The following ARID2 variants were observed in gnomAD, a reference collection of about 807,000 sequenced individuals.
ARID2 encodes the protein AT-rich interactive domain-containing protein 2.
In ARID2, 32 loss-of-function variants were observed where a neutral mutation model predicts 184.6. The observed-to-expected ratio is 0.17, with a 90% confidence interval of 0.13 to 0.23. The LOEUF is 0.23. ARID2 is among the 10% of genes least tolerant of loss of function. The pLI is 1.00. For synonymous variants in ARID2, 836 were observed against 772.6 expected, an observed-to-expected ratio of 1.08 and a Z score of -1.36; for missense variants, 1,696 against 2,197.6, an observed-to-expected ratio of 0.77 and a Z score of 4.56.
chr12:45,848,217 A>G (rs1039247668), intron 12 of ARID2, among the ~76,000 whole-genome samples: 1 of 152,024 alleles, frequency 6.6e-6, no homozygotes, highest in Non-Finnish European at 1.5e-5. Flanking sequence ...CAGGCCTCCA[A>G]TCCCAATTTA....
intron 3 of ARID2, among the ~76,000 whole-genome samples, chr12:45,785,363 A>C (rs1942176889): frequency 6.6e-6 from 1 of 152,164 alleles, no homozygotes; most frequent in Admixed American, 6.5e-5. Context: ...CATCATCATC[A>C]TCTTTCATTA....
intron 3 of ARID2, among the ~76,000 whole-genome samples, chr12:45,735,830 C>T (rs918799891): frequency 3.9e-5 from 6 of 152,066 alleles, no homozygotes; most frequent in African/African-American, 1.4e-4. Context: ...TGAGTTCTTT[C>T]TAAGACAGAT....
chr12:45,850,958 A>C lies in ARID2; in HGVS notation c.2835A>C (p.Gln945His). ...AAACTTATGCACCAGCCATTCACCA[A>C]ATTGTTCTTGCTAATCCAGCAGCTC... Reference protein sequence around the residue: ...QGQTYAPAIHQIVLANPAALP... With the variant: ...QGQTYAPAIHHIVLANPAALP... Residue 945 changes from glutamine to histidine, a missense_variant, in exon 15 of 21, where the codon CAA (glutamine) becomes CAC (histidine). This residue lies in a region of ARID2 where 713 missense variants were observed against 824.4 expected (regional missense o/e 0.86). Coordinates refer to ENST00000334344, the MANE Select transcript of ARID2 (RefSeq NM_152641.4). 1.2e-6 allele frequency: 2 copies of C among 1,614,154 alleles called. No individual in the cohort carries two copies. Among genetic ancestry groups the C allele is most frequent in the Non-Finnish European group, 1.7e-6 (2 of 1,180,010 alleles).
intron 16 of ARID2, among the ~76,000 whole-genome samples, chr12:45,866,438 C>T (rs1261528004): frequency 2.6e-5 from 4 of 152,052 alleles, no homozygotes; most frequent in East Asian, 1.9e-4. Flanking sequence ...TGAATAATTT[C>T]GTTTCCATAG....
chr12:45,869,629 T>C (rs1943887957), intron 16 of ARID2, among the ~76,000 whole-genome samples: 1 of 152,138 alleles, frequency 6.6e-6, no homozygotes, highest in South Asian at 2.1e-4. Flanking sequence ...ATGCTTGTAA[T>C]TTCAGCACTT....
At chr12:45,862,459 T>C (rs1338634508) in intron 16 of ARID2, among the ~76,000 whole-genome samples, 2 of 152,194 alleles carry the variant, frequency 1.3e-5, no homozygotes, top group Non-Finnish European at 2.9e-5. Flanking sequence ...AATTTTACTC[T>C]CTCCATTTGT....
intron 6 of ARID2, among the ~76,000 whole-genome samples, chr12:45,826,864 T>C (rs1042529560): frequency 3.3e-5 from 5 of 152,140 alleles, no homozygotes; most frequent in Admixed American, 2.6e-4. Flanking sequence ...TCTATGCATA[T>C]TATTTAAAGC....
At chr12:45,812,648 A>G (rs1942731011) in intron 4 of ARID2, among the ~76,000 whole-genome samples, 1 of 152,206 alleles carries the variant, frequency 6.6e-6, no homozygotes. Flanking sequence ...AATGCTTGCT[A>G]ATAGTTTATG....
At chr12:45,802,068 C>T (rs1942514266) in intron 3 of ARID2, among the ~76,000 whole-genome samples, 1 of 149,292 alleles carries the variant, frequency 6.7e-6, no homozygotes, top group Non-Finnish European at 1.5e-5. Context: ...GCTCCCCCAC[C>T]CCCACCCACC....
At chr12:45,818,760 A>C (rs1942850209) in intron 5 of ARID2, among the ~76,000 whole-genome samples, 1 of 152,058 alleles carries the variant, frequency 6.6e-6, no homozygotes, top group South Asian at 2.1e-4. Context: ...TTTCTCTGCA[A>C]TTTGATTTGG....
At chr12:45,773,554 G>A (rs181113455) in intron 3 of ARID2, among the ~76,000 whole-genome samples, 255 of 152,030 alleles carry the variant, frequency 1.7e-3, no homozygotes, top group Non-Finnish European at 3.1e-3. Flanking sequence ...TGAAAGAGGA[G>A]ACACTGCTAC....
chr12:45,738,990 G>A (rs1247326113), intron 3 of ARID2, among the ~76,000 whole-genome samples: 1 of 150,550 alleles, frequency 6.6e-6, no homozygotes, highest in Admixed American at 6.6e-5. Context: ...TTCTTTTTGA[G>A]ACAGTTTCGC....
At chr12:45,819,770 A>G (rs752296099) in intron 5 of ARID2, among the ~76,000 whole-genome samples, 1 of 150,294 alleles carries the variant, frequency 6.7e-6, no homozygotes, top group African/African-American at 2.4e-5. Flanking sequence ...AAGAGACAGA[A>G]CCTTGCTCTG....
chr12:45,742,833 G>T (rs1941288961), intron 3 of ARID2, among the ~76,000 whole-genome samples: 1 of 152,196 alleles, frequency 6.6e-6, no homozygotes, highest in Non-Finnish European at 1.5e-5. Context: ...GATTGAAGCA[G>T]CAATCAAAGA....
At chr12:45,883,503 G>A (rs193070547) in intron 16 of ARID2, among the ~76,000 whole-genome samples, 10 of 148,408 alleles carry the variant, frequency 6.7e-5, no homozygotes, top group South Asian at 4.4e-4. Flanking sequence ...AAACTTGTGC[G>A]TAAAATAAGG....
chr12:45,885,799 C>T (rs1444745964), intron 16 of ARID2, among the ~76,000 whole-genome samples: 1 of 152,170 alleles, frequency 6.6e-6, no homozygotes, highest in Non-Finnish European at 1.5e-5. Flanking sequence ...CATCAGATCT[C>T]ATGAGAACTC....
chr12:45,868,935 G>A (rs779152623), intron 16 of ARID2, among the ~76,000 whole-genome samples: 7 of 152,078 alleles, frequency 4.6e-5, no homozygotes, highest in African/African-American at 1.4e-4. Context: ...GCACTGTGCC[G>A]GGTTTTGAAA....
At chr12:45,761,701 CT>C (rs911572944) in intron 3 of ARID2, among the ~76,000 whole-genome samples, 2 of 149,208 alleles carry the variant, frequency 1.3e-5, no homozygotes, top group South Asian at 2.1e-4. Flanking sequence ...TAGGTATGGA[CT>C]TTTTTTTTTC....
chr12:45,772,341 G>T (rs1317356461), intron 3 of ARID2, among the ~76,000 whole-genome samples: 1 of 152,168 alleles, frequency 6.6e-6, no homozygotes, highest in East Asian at 1.9e-4. Flanking sequence ...TGTAGTCCTA[G>T]CTACTCAGGA....
Sources: gnomAD v4.1 joint callset for allele counts (sites outside exome capture counted in the v4.1 genomes callset) on GRCh38, gnomAD v4.1.1 for gene constraint, gnomAD v4.1.1 regional missense constraint, MANE v1.5 for transcripts, NCBI Gene and HGNC (gene_info 2026-07-23, HGNC 2026-07-21) for gene names.